WDFY4: variants seen among roughly 807,000 people sequenced by gnomAD.
WDFY4 encodes WDFY family member 4.
WDFY4 carries 169 observed loss-of-function variants against 351.9 expected under a neutral mutation model. That is an observed-to-expected ratio of 0.48 (90% CI 0.42 to 0.55). WDFY4 has a LOEUF of 0.55. Ranked by LOEUF, WDFY4 falls within the 20% of genes least tolerant of loss-of-function variation. The pLI is 0.00. For synonymous variants in WDFY4, 1,622 were observed against 1,574.6 expected (o/e 1.03, Z -0.71); for missense variants, 3,803 against 3,935.6 (o/e 0.97, Z 0.90).
At chr10:48,832,804 A>G in intron 39 of WDFY4, 95 bp downstream of exon 39, 2 of 1,389,658 alleles carry the variant, frequency 1.4e-6, no homozygotes, top group Non-Finnish European at 9.4e-7. Flanking sequence ...ACTAGACATG[A>G]TCTAACTCCA....
intron 20 of WDFY4, among the ~76,000 whole-genome samples, chr10:48,787,804 C>CTCT (rs1472209571): frequency 2.8e-5 from 2 of 70,748 alleles, no homozygotes; most frequent in African/African-American, 6.2e-5. Context: ...CCTCCTCCTC[C>CTCT]TCCTCTTCTT....
At chr10:48,835,706 T>A (rs2068364663) in intron 39 of WDFY4, among the ~76,000 whole-genome samples, 1 of 152,250 alleles carries the variant, frequency 6.6e-6, no homozygotes, top group South Asian at 2.1e-4. Context: ...TTGAGCCACC[T>A]ACGCATACAA....
intron 39 of WDFY4, among the ~76,000 whole-genome samples, chr10:48,866,762 GA>G (rs1278104820): frequency 6.6e-6 from 1 of 152,188 alleles, no homozygotes; most frequent in Non-Finnish European, 1.5e-5. Context: ...ACACGTATGT[GA>G]ATGTATTCAT....
chr10:48,913,630 G>A (rs140270313), intron 47 of WDFY4: 41 of 1,613,898 alleles, frequency 2.5e-5, no homozygotes, highest in African/African-American at 9.3e-5. Context: ...AAGGGGTTCC[G>A]CTTTATGTTG....
intron 13 of WDFY4, among the ~76,000 whole-genome samples, chr10:48,771,822 G>A (rs946854272): frequency 3.9e-5 from 6 of 152,164 alleles, no homozygotes; most frequent in Admixed American, 2.0e-4. Flanking sequence ...GATGTTGAGA[G>A]CCACTTCATT....
intron 44 of WDFY4, among the ~76,000 whole-genome samples, chr10:48,893,948 A>G (rs1248866981): frequency 2.0e-5 from 3 of 152,308 alleles, no homozygotes; most frequent in African/African-American, 4.8e-5. Flanking sequence ...CTACCCAAAG[A>G]ATATGGATCA....
At chr10:48,701,666 G>A (rs1372956906) in intron 1 of WDFY4, among the ~76,000 whole-genome samples, 1 of 152,194 alleles carries the variant, frequency 6.6e-6, no homozygotes, top group Non-Finnish European at 1.5e-5. Flanking sequence ...CTTGAGGAAA[G>A]AGGAAGTGTG....
chr10:48,837,449 G>T (rs1184304751), intron 39 of WDFY4, among the ~76,000 whole-genome samples: 2 of 152,206 alleles, frequency 1.3e-5, no homozygotes, highest in Non-Finnish European at 2.9e-5. Context: ...TACAGGTGAG[G>T]GCCCCTGGTG....
chr10:48,786,480 G>T (rs192846288), intron 19 of WDFY4, among the ~76,000 whole-genome samples, 159 bp from the exon 20 acceptor site: 1 of 151,604 alleles, frequency 6.6e-6, no homozygotes, highest in Non-Finnish European at 1.5e-5. Context: ...CTTGTTTTGC[G>T]CATACTTCTG....
chr10:48,819,033 G>A (rs969007131), intron 32 of WDFY4, among the ~76,000 whole-genome samples: 7 of 152,178 alleles, frequency 4.6e-5, no homozygotes, highest in African/African-American at 9.7e-5. Flanking sequence ...GGCCAGGCTC[G>A]CCATCTGCTG....
intron 24 of WDFY4, among the ~76,000 whole-genome samples, chr10:48,802,218 T>A (rs1011538461): frequency 2.0e-5 from 3 of 152,178 alleles, no homozygotes; most frequent in Admixed American, 1.3e-4. Flanking sequence ...TACAAAAAAA[T>A]TTTAACAATT....
At chr10:48,851,961 C>A (rs2068971952) in intron 39 of WDFY4, among the ~76,000 whole-genome samples, 1 of 152,250 alleles carries the variant, frequency 6.6e-6, no homozygotes, top group Non-Finnish European at 1.5e-5. Context: ...CTTAGAGGCC[C>A]TTTGTTCTAC....
intron 26 of WDFY4, 57 bp downstream of exon 26, chr10:48,805,478 G>A: frequency 1.3e-6 from 2 of 1,523,740 alleles, no homozygotes; most frequent in African/African-American, 2.8e-5. Context: ...TTTAAAAAGG[G>A]AGGACAGACC....
chr10:48,976,816 C>G lies in WDFY4; in HGVS notation c.9128C>G (p.Ala3043Gly). ...GCACAGGGCACCATTGTCTCCTGTG[C>G]GGGAGCACACTTGTCCCTGTGGAAT... Reference protein sequence around the residue: ...SDVSGTIVSCAGAHLSLWNVN... With the variant: ...SDVSGTIVSCGGAHLSLWNVN... The change falls in exon 59 of 62, where the codon GCG becomes GGG. Residue 3043 changes from alanine to glycine, a missense_variant. Around this residue, in one of 3 missense-constraint regions of WDFY4, gnomAD observed 3,054 missense variants for 3,148.6 expected, o/e 0.97. Transcript: ENST00000325239. 1 of 1,484,278 alleles carries G rather than the reference C, an allele frequency of 6.7e-7. No homozygotes were observed. Among genetic ancestry groups the G allele is most frequent in the Non-Finnish European group, 9.0e-7 (1 of 1,109,876 alleles). The allele number at this position is 1,484,278 out of a possible 1,614,324, so 91.9% of individuals were successfully genotyped here. A position where few individuals can be genotyped will look rare whatever the true frequency, so the allele number is the denominator to read the frequency against.
At chr10:48,792,062 C>G (rs749162354) in intron 23 of WDFY4, among the ~76,000 whole-genome samples, 1 of 152,234 alleles carries the variant, frequency 6.6e-6, no homozygotes, top group Non-Finnish European at 1.5e-5. Flanking sequence ...AAACTGGCCA[C>G]AGACCTTTCC....
chr10:48,883,170 C>G (rs1024267424), intron 43 of WDFY4, among the ~76,000 whole-genome samples: 1 of 152,210 alleles, frequency 6.6e-6, no homozygotes, highest in Admixed American at 6.5e-5. Flanking sequence ...CTTCAGGTCT[C>G]TCACCAACAT....
intron 49 of WDFY4, among the ~76,000 whole-genome samples, chr10:48,944,256 G>A (rs1554818824): frequency 6.6e-6 from 1 of 152,224 alleles, no homozygotes; most frequent in Non-Finnish European, 1.5e-5. Flanking sequence ...GATGGTGTCT[G>A]GGCCTCATCT....
At chr10:48,903,169 G>A (rs1837446701) in intron 47 of WDFY4, among the ~76,000 whole-genome samples, 1 of 152,182 alleles carries the variant, frequency 6.6e-6, no homozygotes, top group African/African-American at 2.4e-5. Context: ...GTCAGACCCA[G>A]GGAAGAGCAA....
intron 12 of WDFY4, among the ~76,000 whole-genome samples, chr10:48,744,329 C>T (rs1470009960): frequency 2.6e-5 from 4 of 152,146 alleles, no homozygotes; most frequent in East Asian, 3.8e-4. Context: ...CAGAGTGCCC[C>T]GTTTGCCAGA....
Sources: gnomAD v4.1 joint callset for allele counts (sites outside exome capture counted in the v4.1 genomes callset) on GRCh38, gnomAD v4.1.1 for gene constraint, gnomAD v4.1.1 regional missense constraint, MANE v1.5 for transcripts, NCBI Gene and HGNC (gene_info 2026-07-23, HGNC 2026-07-21) for gene names.